The following PCDHB9 variants were observed in gnomAD, a reference collection of about 807,000 sequenced individuals.
The protein encoded by PCDHB9 is protocadherin beta 9.
For missense variants in PCDHB9, 1,072 were observed against 995.1 expected (o/e 1.08, Z -1.04); for synonymous variants, 501 against 439.7 (o/e 1.14, Z -1.75).
At position 141,188,670 on chromosome 5, in the gene PCDHB9, T is replaced by A. The variant is rs1246446430; in HGVS notation, c.1352T>A (p.Phe451Tyr). 6.2e-7 allele frequency: 1 copy of A among 1,614,006 alleles called. No homozygotes were observed. The highest frequency in any genetic ancestry group is 8.5e-7 in the Non-Finnish European group (1 of 1,180,004). Residue 451 changes from phenylalanine (F) to tyrosine (Y), a missense_variant, in exon 1 of 1, where the codon TTC (phenylalanine) becomes TAC (tyrosine). Phe to Tyr is a conservative substitution (Grantham distance 22). Coordinates refer to ENST00000316105, the MANE Select transcript of PCDHB9 (RefSeq NM_019119.5). Reference sequence around the variant, plus strand: ...GACGTCAATGACAACGCCCCCGCCTTCACCCAAACCTCCTACACCCTGTTC... The same window carrying A: ...GACGTCAATGACAACGCCCCCGCCTACACCCAAACCTCCTACACCCTGTTC... ...VSDVNDNAPAFTQTSYTLFVR... is the reference protein window; with the variant it reads ...VSDVNDNAPAYTQTSYTLFVR...
rs200750862 is a variant in PCDHB9 at position 141,189,349 on chromosome 5, C to A, written c.2031C>A (p.Ala677=). 6,683 of 1,611,118 alleles carry A rather than the reference C, an allele frequency of 4.1e-3. 30 individuals carry two copies. Among genetic ancestry groups the A allele is most frequent in the South Asian group, 5.6e-3 (509 of 91,000 alleles). The part of the protein sequence containing the change: ...SQPYLPLPEA[A]PAQAQADLLT... ...CCTACCTGCCTCTCCCGGAGGCGGC[C>A]CCGGCCCAGGCCCAGGCCGACTTGC... The change falls in exon 1 of 1, where the codon GCC becomes GCA. Residue 677 remains alanine (A), a synonymous_variant. Transcript: ENST00000316105.
At position 141,187,959 on chromosome 5, in the gene PCDHB9, C is replaced by A. The variant is rs1554282879; in HGVS notation, c.641C>A (p.Ala214Glu). ...GAAGAGCTCAGCTTAACCCTCACAG[C>A]GCTGGATGGTGGGTCTCCATCCAGG... is the stretch of plus-strand genomic sequence containing the variant. ...EQEELSLTLT[A>E]LDGGSPSRSG... The change falls in exon 1 of 1, where the codon GCG becomes GAG. Residue 214 changes from alanine to glutamate, a missense_variant. Transcript: ENST00000316105. 3.1e-6 allele frequency: 5 copies of A among 1,614,000 alleles called. No homozygotes were observed. In the African/African-American group the frequency reaches 4.0e-5, roughly 13 times the overall value.
chr5:141,188,460 C>T lies in PCDHB9; in HGVS notation c.1142C>T (p.Thr381Ile), dbSNP rs782331540. 1.7e-5 allele frequency: 28 copies of T among 1,613,980 alleles called. No homozygotes were observed. Among genetic ancestry groups the T allele is most frequent in the Non-Finnish European group, 2.3e-5 (27 of 1,180,018 alleles). ...AGAGACTCCGGAGAAAATGGAAAGA[C>T]AATTTGCTATGTTCAAGATAATCTG... Reference protein sequence around the residue: ...KDRDSGENGKTICYVQDNLPF... With the variant: ...KDRDSGENGKIICYVQDNLPF... Residue 381 changes from threonine (T) to isoleucine (I), a missense_variant, in exon 1 of 1, where the codon ACA becomes ATA. By Grantham distance (89) the Thr-to-Ile change is moderately conservative (BLOSUM62 -1). Transcript: ENST00000316105.
At position 141,188,092 on chromosome 5, in the gene PCDHB9, G is replaced by A. The variant is rs781846718; in HGVS notation, c.774G>A (p.Gly258=). 1 of 1,613,600 alleles carries A rather than the reference G, an allele frequency of 6.2e-7. No homozygotes were observed. Among genetic ancestry groups the A allele is most frequent in the Non-Finnish European group, 8.5e-7 (1 of 1,179,830 alleles). The change falls in exon 1 of 1, where the codon GGG becomes GGA. Residue 258 remains glycine, a synonymous_variant. Coordinates refer to ENST00000316105, the MANE Select transcript of PCDHB9 (RefSeq NM_019119.5). ...AGGCTCCAGAAAACAGTCCAGTAGG[G>A]TCCCTTATTGTTAAAGTGTCTGCAG... ...ETQAPENSPV[G]SLIVKVSAGD...
rs1554283172 is a variant in PCDHB9 at position 141,188,932 on chromosome 5, C to T, written c.1614C>T (p.Ser538=). Residue 538 remains serine (S), a synonymous_variant, in exon 1 of 1, where the codon TCC becomes TCT. Coordinates refer to ENST00000316105, the MANE Select transcript of PCDHB9 (RefSeq NM_019119.5). ...DFRVGASDRG[S]PALSSEALVR... is the part of the protein sequence containing the mutation. ...GCGTGGGCGCCTCAGACCGCGGCTC[C>T]CCGGCTTTGAGCAGCGAGGCGCTGG... 1 of 1,612,044 alleles carries T rather than the reference C, an allele frequency of 6.2e-7. No individual in the cohort carries two copies. The highest frequency in any genetic ancestry group is 1.1e-5 in the South Asian group (1 of 90,992).
In PCDHB9 at chr5:141,189,815, T is replaced by G. The variant is rs1753856295; in HGVS notation, c.*103T>G. The G allele has an allele frequency of 2.8e-6, 3 of 1,062,504 alleles. No homozygotes were observed. The highest frequency in any genetic ancestry group is 4.0e-6 in the Non-Finnish European group (3 of 744,688). The allele number at this position is 1,062,504 out of a possible 1,614,324, so 65.8% of individuals were successfully genotyped here. The stretch of plus-strand genomic sequence containing the variant: ...AAGAAGGTACTATTTTTTGTTTGAT[T>G]CATCTTCAACTTTGCGTATTATGCT... On this transcript the variant is annotated 3_prime_UTR_variant, in exon 1 of 1. Transcript: ENST00000316105.
In PCDHB9 at chr5:141,190,806, A is replaced by T. The variant is rs1232495573; in HGVS notation, c.*1094A>T. ...TAGCCCAGTGCCATCCAGTTGAAAA[A>T]ACAACAGCAATCACAAAGTAGAGGT... On this transcript the variant is annotated 3_prime_UTR_variant, in exon 1 of 1. Coordinates refer to ENST00000316105, the MANE Select transcript of PCDHB9 (RefSeq NM_019119.5). 1 of 152,182 alleles carries T rather than the reference A, an allele frequency of 6.6e-6. No individual in the cohort carries two copies. Among genetic ancestry groups the T allele is most frequent in the Non-Finnish European group, 1.5e-5 (1 of 68,050 alleles). The allele number at this position is 152,182 out of a possible 1,614,324, so 9.4% of individuals were successfully genotyped here. A position where few individuals can be genotyped will look rare whatever the true frequency, so the allele number is the denominator to read the frequency against.
rs567939559 is a variant in PCDHB9 at position 141,190,361 on chromosome 5, T to C, written c.*649T>C. ...GTTCGGCTAATTTTTGTATTTTCAG[T>C]AGAGACGGGTTTCATCATGGTGGCC... is the stretch of plus-strand genomic sequence containing the variant. On this transcript the variant is annotated 3_prime_UTR_variant, in exon 1 of 1. Coordinates refer to ENST00000316105, the MANE Select transcript of PCDHB9 (RefSeq NM_019119.5). 6.6e-6 allele frequency: 1 copy of C among 152,176 alleles called. No homozygotes were observed. Among genetic ancestry groups the C allele is most frequent in the East Asian group, 1.9e-4 (1 of 5,170 alleles). The allele number at this position is 152,176 out of a possible 1,614,324, so 9.4% of individuals were successfully genotyped here.
Position 141,187,935 on chromosome 5 carries a change from A to T in PCDHB9, c.617A>T (p.Glu206Val). The T allele has an allele frequency of 1.2e-6, 2 of 1,614,172 alleles. No individual in the cohort carries two copies. Among genetic ancestry groups the T allele is most frequent in the African/African-American group, 1.3e-5 (1 of 75,042 alleles). The change falls in exon 1 of 1, where the codon GAA becomes GTA. Residue 206 changes from glutamate to valine, a missense_variant. By Grantham distance (121) the Glu-to-Val change is moderately radical. Transcript: ENST00000316105. ...AAAGCACTGGATCGGGAGGAGCAGG[A>T]AGAGCTCAGCTTAACCCTCACAGCG... ...LDKALDREEQ[E>V]ELSLTLTALD...
rs781860346 is a variant in PCDHB9 at position 141,187,742 on chromosome 5, AT to A, written c.425del (p.Ile142AsnfsTer13). ...TCGGCACAAAGAGATGGTCTTAAAAATATCAGAAAATACAGCTGAAGGGACA... is the reference window on the plus strand; with the variant it reads ...TCGGCACAAAGAGATGGTCTTAAAAAATCAGAAAATACAGCTGAAGGGACA... Reference protein sequence around the residue: ...VFRHKEMVLKISENTAEGTAF... With the variant: ...VFRHKEMVLKXSENTAEGTAF... On this transcript the variant is annotated frameshift_variant, in exon 1 of 1. Transcript: ENST00000316105. LOFTEE classifies it low-confidence loss of function (END_TRUNC). 10 of 1,614,088 alleles carry A rather than the reference AT, an allele frequency of 6.2e-6. No homozygotes were observed. The South Asian group carries it at 1.1e-4, about 18-fold the overall frequency.
At position 141,187,537 on chromosome 5, in the gene PCDHB9, A is replaced by G; in HGVS notation, c.219A>G (p.Gln73=). 6.2e-7 allele frequency: 1 copy of G among 1,608,250 alleles called. No homozygotes were observed. The highest frequency in any genetic ancestry group is 2.2e-5 in the East Asian group (1 of 44,800). The change falls in exon 1 of 1, where the codon CAA becomes CAG. Residue 73 remains glutamine (Q), a synonymous_variant. Coordinates refer to ENST00000316105, the MANE Select transcript of PCDHB9 (RefSeq NM_019119.5). ...GGGTGGTTTCCGATGATAACAAACA[A>G]TACCTGCTCCTGGATTCACATACCG... The part of the protein sequence containing the change: ...GTRVVSDDNK[Q]YLLLDSHTGN...
Position 141,188,479 on chromosome 5 carries a change from T to A in PCDHB9, c.1161T>A (p.Asp387Glu). ...GAAAGACAATTTGCTATGTTCAAGA[T>A]AATCTGCCTTTTTTTCTGAAACCGT... is the stretch of plus-strand genomic sequence containing the variant. The part of the protein sequence containing the change: ...ENGKTICYVQ[D>E]NLPFFLKPSV... The change falls in exon 1 of 1, where the codon GAT (aspartate) becomes GAA (glutamate). Residue 387 changes from aspartate (D) to glutamate (E), a missense_variant. Asp to Glu is a conservative substitution (Grantham distance 45, BLOSUM62 2). Coordinates refer to ENST00000316105, the MANE Select transcript of PCDHB9 (RefSeq NM_019119.5). 3 of 1,614,080 alleles carry A rather than the reference T, an allele frequency of 1.9e-6. No homozygotes were observed. Among genetic ancestry groups the A allele is most frequent in the Non-Finnish European group, 2.5e-6 (3 of 1,180,004 alleles).
Position 141,188,403 on chromosome 5 carries a change from G to A in PCDHB9, c.1085G>A (p.Gly362Glu). 5 of 1,614,034 alleles carry A rather than the reference G, an allele frequency of 3.1e-6. No individual in the cohort carries two copies. Among genetic ancestry groups the A allele is most frequent in the Non-Finnish European group, 4.2e-6 (5 of 1,179,992 alleles). Residue 362 changes from glycine (G) to glutamate (E), a missense_variant, in exon 1 of 1, where the codon GGG (glycine) becomes GAG (glutamate). Physicochemically the swap from Gly to Glu is moderately conservative, Grantham distance 98. Transcript: ENST00000316105. ...AACTCTGTTGCTGAAAACTCTCCTGGGATAGTATTGGCTGTTTTTAAGATT... is the reference window on the plus strand; with the variant it reads ...AACTCTGTTGCTGAAAACTCTCCTGAGATAGTATTGGCTGTTTTTAAGATT... ...LSNSVAENSP[G>E]IVLAVFKIKD...
Position 141,189,233 on chromosome 5 carries a change from A to C in PCDHB9, c.1915A>C (p.Arg639=), listed in dbSNP as rs17844537. ...GAGCGAGCGCGACGCGGCCAAGCAC[A>C]GGCTGGTGGTGCTTGTCAAGGACAA... ...LLSERDAAKH[R]LVVLVKDNGE... Residue 639 remains arginine, a synonymous_variant, in exon 1 of 1, where the codon AGG becomes CGG. Coordinates refer to ENST00000316105, the MANE Select transcript of PCDHB9 (RefSeq NM_019119.5). 6.2e-7 allele frequency: 1 copy of C among 1,606,734 alleles called. No individual in the cohort carries two copies. Among genetic ancestry groups the C allele is most frequent in the Non-Finnish European group, 8.5e-7 (1 of 1,179,686 alleles).
In PCDHB9 at chr5:141,188,430, A is replaced by T. The variant is rs540240436; in HGVS notation, c.1112A>T (p.Lys371Ile). The T allele has an allele frequency of 6.2e-7, 1 of 1,614,200 alleles. No homozygotes were observed. The highest frequency in any genetic ancestry group is 1.3e-5 in the African/African-American group (1 of 75,058). ...PGIVLAVFKIKDRDSGENGKT... is the reference protein window; with the variant it reads ...PGIVLAVFKIIDRDSGENGKT... ...ATAGTATTGGCTGTTTTTAAGATTAAAGACAGAGACTCCGGAGAAAATGGA... is the reference window on the plus strand; with the variant it reads ...ATAGTATTGGCTGTTTTTAAGATTATAGACAGAGACTCCGGAGAAAATGGA... Residue 371 changes from lysine to isoleucine, a missense_variant, in exon 1 of 1, where the codon AAA becomes ATA. Physicochemically the swap from Lys to Ile is moderately radical, Grantham distance 102. Transcript: ENST00000316105.
rs376270789 is a variant in PCDHB9, at chr5:141,189,236, C to A, written c.1918C>A (p.Leu640Met). ...LSERDAAKHR[L>M]VVLVKDNGEP... ...CGAGCGCGACGCGGCCAAGCACAGG[C>A]TGGTGGTGCTTGTCAAGGACAATGG... The change falls in exon 1 of 1, where the codon CTG becomes ATG. Residue 640 changes from leucine (L) to methionine (M), a missense_variant. Leu to Met is a conservative substitution (Grantham distance 15). Coordinates refer to ENST00000316105, the MANE Select transcript of PCDHB9 (RefSeq NM_019119.5). 1 of 1,606,972 alleles carries A rather than the reference C, an allele frequency of 6.2e-7. No individual in the cohort carries two copies. The highest frequency in any genetic ancestry group is 1.7e-5 in the Admixed American group (1 of 60,010).
Position 141,189,284 on chromosome 5 carries a change from G to C in PCDHB9, c.1966G>C (p.Ala656Pro). ...DNGEPPRSAT[A>P]TLHVLLVDGF... ...TGGCGAGCCTCCTCGCTCGGCCACC[G>C]CCACGCTGCACGTGCTCCTGGTGGA... The change falls in exon 1 of 1, where the codon GCC becomes CCC. Residue 656 changes from alanine to proline, a missense_variant. Transcript: ENST00000316105. 3 of 1,608,550 alleles carry C rather than the reference G, an allele frequency of 1.9e-6. No homozygotes were observed. The highest frequency in any genetic ancestry group is 8.5e-7 in the Non-Finnish European group (1 of 1,179,726).
At position 141,187,518 on chromosome 5, in the gene PCDHB9, T is replaced by C; in HGVS notation, c.200T>C (p.Val67Ala). The C allele has an allele frequency of 6.2e-7, 1 of 1,609,222 alleles. No homozygotes were observed. The highest frequency in any genetic ancestry group is 8.5e-7 in the Non-Finnish European group (1 of 1,176,754). ...CTGGCTGCAAGGGGAACCAGGGTGG[T>C]TTCCGATGATAACAAACAATACCTG... is the stretch of plus-strand genomic sequence containing the variant. ...GELAARGTRV[V>A]SDDNKQYLLL... The change falls in exon 1 of 1, where the codon GTT becomes GCT. Residue 67 changes from valine (V) to alanine (A), a missense_variant. Transcript: ENST00000316105.
Position 141,191,460 on chromosome 5 carries a change from T to C in PCDHB9, c.*1748T>C, listed in dbSNP as rs1554283706. 1 of 152,144 alleles carries C rather than the reference T, an allele frequency of 6.6e-6. No individual in the cohort carries two copies. Among genetic ancestry groups the C allele is most frequent in the African/African-American group, 2.4e-5 (1 of 41,416 alleles). 9.4% of individuals were successfully genotyped at this position (152,144 alleles called of 1,614,324 possible). A position where few individuals can be genotyped will look rare whatever the true frequency, so the allele number is the denominator to read the frequency against. On this transcript the variant is annotated 3_prime_UTR_variant, in exon 1 of 1. Transcript: ENST00000316105. ...GGGGACCTTAAAATAAGGATCAATC[T>C]CTTATTTAACCCTGTAAGTTACTTT...
Sources: allele counts gnomAD v4.1 joint callset, GRCh38; gene constraint gnomAD v4.1.1; transcripts MANE v1.5; gene names NCBI Gene and HGNC (gene_info 2026-07-23, HGNC 2026-07-21).